WRNIP1: variants seen among roughly 807,000 people sequenced by gnomAD.
The protein encoded by WRNIP1 is ATPase WRNIP1.
In WRNIP1, 41 loss-of-function variants were observed where a neutral mutation model predicts 56.1. The observed-to-expected ratio is 0.73, with a 90% CI of 0.57 to 0.95. The LOEUF (loss-of-function observed/expected upper bound fraction) is 0.95, where lower values mean the gene tolerates loss of function less well. Ranked by LOEUF, WRNIP1 falls within the 40% of genes least tolerant of loss-of-function variation. WRNIP1 has a pLI of 0.00. For synonymous variants in WRNIP1, 547 were observed against 398.1 expected (o/e 1.37, Z -4.45); for missense variants, 1,170 against 939.4 (o/e 1.25, Z -3.21).
intron 5 of WRNIP1, 69 bp from the exon 6 acceptor site, chr6:2,784,255 G>C (rs139807485): frequency 1.4e-6 from 2 of 1,467,658 alleles, no homozygotes; most frequent in African/African-American, 2.8e-5. Context: ...GTCTGTGGTC[G>C]CCTGCACATA....
Position 2,765,704 on chromosome 6 carries a change from C to G in WRNIP1, c.82C>G (p.Pro28Ala). ...VQCPVCQQMM[P>A]AAHINSHLDR... ...GTGCCCCGTGTGCCAGCAGATGATG[C>G]CCGCCGCGCACATCAACTCGCACCT... is the stretch of plus-strand genomic sequence containing the variant. Residue 28 changes from proline to alanine, a missense_variant, in exon 1 of 7, where the codon CCC becomes GCC. By Grantham distance (27) the Pro-to-Ala change is conservative. Transcript: ENST00000380773. The G allele has an allele frequency of 6.5e-7, 1 of 1,546,206 alleles. No homozygotes were observed. Among genetic ancestry groups the G allele is most frequent in the Non-Finnish European group, 8.7e-7 (1 of 1,154,594 alleles).
intron 3 of WRNIP1, among the ~76,000 whole-genome samples, chr6:2,779,039 A>T (rs1485932274): frequency 6.6e-6 from 1 of 152,146 alleles, no homozygotes; most frequent in Non-Finnish European, 1.5e-5. Flanking sequence ...GCAGTGAGAT[A>T]CCCTCGACAC....
At chr6:2,780,742 G>C (rs1275593526) in intron 4 of WRNIP1, among the ~76,000 whole-genome samples, 1 of 152,090 alleles carries the variant, frequency 6.6e-6, no homozygotes, top group Non-Finnish European at 1.5e-5. Flanking sequence ...ACCATGCCGG[G>C]ATCGCCATTG....
In WRNIP1 at chr6:2,785,470, C is replaced by G; in HGVS notation, c.*188C>G. 1.6e-6 allele frequency: 1 copy of G among 640,326 alleles called. No homozygotes were observed. The highest frequency in any genetic ancestry group is 2.0e-5 in the South Asian group (1 of 49,720). The allele number at this position is 640,326 out of a possible 1,614,324, so 39.7% of individuals were successfully genotyped here. ...AAATGTGTAACTTTGAAATTGTGTT[C>G]ATTTGCACTCGGTGCAGCGGTTATG... On this transcript the variant is annotated 3_prime_UTR_variant, in exon 7 of 7. Coordinates refer to ENST00000380773, the MANE Select transcript of WRNIP1 (RefSeq NM_020135.3).
chr6:2,776,993 T>A (rs1765447960), intron 3 of WRNIP1, among the ~76,000 whole-genome samples: 1 of 152,246 alleles, frequency 6.6e-6, no homozygotes. Flanking sequence ...GTTAAGGATG[T>A]AAAACTATGT....
At chr6:2,782,332 C>A (rs1299213927) in intron 4 of WRNIP1, among the ~76,000 whole-genome samples, 1 of 152,258 alleles carries the variant, frequency 6.6e-6, no homozygotes, top group African/African-American at 2.4e-5. Context: ...GCTGACCCAT[C>A]CATCTGCCCT....
At chr6:2,775,413 G>A (rs1447004046) in intron 3 of WRNIP1, among the ~76,000 whole-genome samples, 1 of 152,198 alleles carries the variant, frequency 6.6e-6, no homozygotes, top group African/African-American at 2.4e-5. Flanking sequence ...CATATCCCTG[G>A]TTGAAACTTC....
chr6:2,774,091 A>T, intron 3 of WRNIP1: 2 of 985,436 alleles, frequency 2.0e-6, no homozygotes, highest in Non-Finnish European at 2.4e-6. Flanking sequence ...GGAACTCCAG[A>T]ATACAAGGGA....
Position 2,780,831 on chromosome 6 carries a change from C to T in WRNIP1, c.1486+1339C>T, listed in dbSNP as rs144886698. ...AGGATTTGCCTTGTTTTGATTGGAACGACTAGGACTGTTCTTTGACATTTT... is the reference window on the plus strand; with the variant it reads ...AGGATTTGCCTTGTTTTGATTGGAATGACTAGGACTGTTCTTTGACATTTT... On this transcript the variant is annotated intron_variant, in intron 4 of 6. Transcript: ENST00000380773. 2.3e-4 allele frequency among the ~76,000 whole-genome samples: 35 copies of T among 152,268 alleles called. No homozygotes were observed. The East Asian group carries it at 6.2e-3, about 27-fold the overall frequency.
rs778517320 is a variant in WRNIP1 at position 2,766,289 on chromosome 6, C to T, written c.667C>T (p.Gln223Ter). The change falls in exon 1 of 7, where the codon CAG becomes TAG. Residue 223 changes from glutamine to a stop codon, truncating the protein, a stop_gained. Coordinates refer to ENST00000380773, the MANE Select transcript of WRNIP1 (RefSeq NM_020135.3). LOFTEE classifies it high-confidence loss of function. ...TGCCGAGGAGATCCGACAGATGCTA[C>T]AGGGCAAGCCGCTGGCCGACACGAT... ...LAAEEIRQML[Q>*]GKPLADTMRP... 7 of 1,598,986 alleles carry T rather than the reference C, an allele frequency of 4.4e-6. No individual in the cohort carries two copies. Among genetic ancestry groups the T allele is most frequent in the Non-Finnish European group, 2.6e-6 (3 of 1,174,178 alleles).
chr6:2,770,770 T>C (rs1051189121), intron 3 of WRNIP1, among the ~76,000 whole-genome samples: 1 of 152,154 alleles, frequency 6.6e-6, no homozygotes, highest in Non-Finnish European at 1.5e-5. Flanking sequence ...ATTGTACTCA[T>C]GTTTCAATTT....
chr6:2,766,023 C>G lies in WRNIP1; in HGVS notation c.401C>G (p.Pro134Arg), dbSNP rs1391314707. 2.0e-5 allele frequency: 26 copies of G among 1,324,824 alleles called. No individual in the cohort carries two copies. The highest frequency in any genetic ancestry group is 2.4e-5 in the Non-Finnish European group (25 of 1,039,206). 82.1% of individuals were successfully genotyped at this position (1,324,824 alleles called of 1,614,324 possible). A position where few individuals can be genotyped will look rare whatever the true frequency, so the allele number is the denominator to read the frequency against. ...TTCCCGGTGGCCCGCTCCAGCAGCC[C>G]CGGGAGGAAGGGGTCGGGGAAGAGG... is the stretch of plus-strand genomic sequence containing the variant. ...PDFPVARSSS[P>R]GRKGSGKRPA... is the part of the protein sequence containing the mutation. The change falls in exon 1 of 7, where the codon CCC becomes CGC. Residue 134 changes from proline (P) to arginine (R), a missense_variant. Physicochemically the swap from Pro to Arg is moderately radical, Grantham distance 103. Coordinates refer to ENST00000380773, the MANE Select transcript of WRNIP1 (RefSeq NM_020135.3).
At chr6:2,773,384 A>G in intron 3 of WRNIP1, 1 of 985,424 alleles carries the variant, frequency 1.0e-6, no homozygotes, top group Non-Finnish European at 1.2e-6. Context: ...CAGCATTCAG[A>G]ATATGTGAAA....
chr6:2,784,910 C>A, intron 6 of WRNIP1, 97 bp from the exon 7 acceptor site: 1 of 1,450,372 alleles, frequency 6.9e-7, no homozygotes, highest in Non-Finnish European at 9.3e-7. Flanking sequence ...ATGTGGGGAT[C>A]TTCTCAGAAT....
intron 3 of WRNIP1, among the ~76,000 whole-genome samples, chr6:2,775,083 C>T (rs1265081193): frequency 2.0e-5 from 3 of 152,124 alleles, no homozygotes; most frequent in Non-Finnish European, 4.4e-5. Flanking sequence ...AGTAACATGC[C>T]CAAGACCAAC....
At chr6:2,773,723 T>TA in intron 3 of WRNIP1, 1 of 983,870 alleles carries the variant, frequency 1.0e-6, no homozygotes, top group Non-Finnish European at 1.2e-6. Flanking sequence ...TTTGAAGGAA[T>TA]ATAGATTCCT....
In WRNIP1 at chr6:2,773,374, C is replaced by T. The variant is rs532735141; in HGVS notation, c.1256+3013C>T. The T allele has an allele frequency of 6.3e-4, 619 of 985,378 alleles. 1 individual carries two copies. The highest frequency in any genetic ancestry group is 8.0e-4 in the Admixed American group (13 of 16,272). The allele number at this position is 985,378 out of a possible 1,614,324, so 61.0% of individuals were successfully genotyped here. A position where few individuals can be genotyped will look rare whatever the true frequency, so the allele number is the denominator to read the frequency against. ...GCCAAGTGCAGTGGGCGTAGAGAAGCAGCATTCAGAATATGTGAAATCCAG... is the reference window on the plus strand; with the variant it reads ...GCCAAGTGCAGTGGGCGTAGAGAAGTAGCATTCAGAATATGTGAAATCCAG... On this transcript the variant is annotated intron_variant, in intron 3 of 6. Coordinates refer to ENST00000380773, the MANE Select transcript of WRNIP1 (RefSeq NM_020135.3).
At position 2,785,870 on chromosome 6, in the gene WRNIP1, TAAG is replaced by T. The variant is rs1765698591; in HGVS notation, c.*592_*594del. On this transcript the variant is annotated 3_prime_UTR_variant, in exon 7 of 7. Transcript: ENST00000380773. ...GATGGGAAGAGTGGGGAGCTTAAGT[TAAG>T]AAGTCAGTGTTATCTTGTTGAAAGT... 1 of 154,890 alleles carries T rather than the reference TAAG, an allele frequency of 6.5e-6. No homozygotes were observed. Among genetic ancestry groups the T allele is most frequent in the South Asian group, 2.0e-4 (1 of 4,962 alleles). The allele number at this position is 154,890 out of a possible 1,614,324, so 9.6% of individuals were successfully genotyped here. A position where few individuals can be genotyped will look rare whatever the true frequency, so the allele number is the denominator to read the frequency against.
At chr6:2,773,764 A>C in intron 3 of WRNIP1, 3 of 985,172 alleles carry the variant, frequency 3.0e-6, no homozygotes, top group Non-Finnish European at 3.6e-6. Flanking sequence ...AGTCAAAAAC[A>C]CTCCTAAAGA....
Sources: gnomAD v4.1 joint callset for allele counts (sites outside exome capture counted in the v4.1 genomes callset) on GRCh38, gnomAD v4.1.1 for gene constraint, MANE v1.5 for transcripts, NCBI Gene and HGNC (gene_info 2026-07-23, HGNC 2026-07-21) for gene names.